The following LSAMP variants were observed in gnomAD, a reference collection of about 807,000 sequenced individuals.
The protein encoded by LSAMP is limbic system-associated membrane protein.
Under a neutral mutation model 38.6 loss-of-function variants are expected in LSAMP, and 7 were observed. The ratio of observed to expected loss-of-function variants is 0.18; its 90% confidence interval spans 0.10 to 0.34. LSAMP has a LOEUF of 0.34. Among genes scored for constraint, LSAMP ranks in the 10% least tolerant of loss-of-function variants. The pLI is 1.00. For missense variants in LSAMP, 313 were observed against 420.0 expected, an observed-to-expected ratio of 0.75 and a Z score of 2.23; for synonymous variants, 154 against 166.8, an observed-to-expected ratio of 0.92 and a Z score of 0.59.
At position 116,307,718 on chromosome 3, in the gene LSAMP, A is replaced by C. The variant is rs186900536; in HGVS notation, c.155+137159T>G. On this transcript the variant is annotated intron_variant, in intron 1 of 6. Coordinates refer to ENST00000490035, the MANE Select transcript of LSAMP (RefSeq NM_002338.5). ...CAATAAGATGGGTTTCTGTACCATTAAAATAGCATTTAGAGAGAATTTTAA... is the reference window on the plus strand; with the variant it reads ...CAATAAGATGGGTTTCTGTACCATTCAAATAGCATTTAGAGAGAATTTTAA... 5.3e-4 allele frequency among the ~76,000 whole-genome samples: 80 copies of C among 152,130 alleles called. 2 individuals are homozygous for C. The East Asian group carries it at 0.015, about 29-fold the overall frequency.
At chr3:116,207,785 G>A (rs1278236458) in intron 1 of LSAMP, among the ~76,000 whole-genome samples, 3 of 152,112 alleles carry the variant, frequency 2.0e-5, no homozygotes, top group East Asian at 3.9e-4. Flanking sequence ...CTGTTAGTCT[G>A]ATGGGCTTCC....
chr3:116,089,566 C>T (rs541629705), intron 1 of LSAMP, among the ~76,000 whole-genome samples: 1 of 152,052 alleles, frequency 6.6e-6, no homozygotes, highest in African/African-American at 2.4e-5. Context: ...AGCGTGTTAG[C>T]CAGGATGGTC....
intron 1 of LSAMP, among the ~76,000 whole-genome samples, chr3:116,133,296 G>GT (rs1333667412): frequency 1.3e-5 from 2 of 149,756 alleles, no homozygotes; most frequent in Admixed American, 6.7e-5. Flanking sequence ...CTTTGTTTTT[G>GT]TTTTTTGTTT....
intron 1 of LSAMP, among the ~76,000 whole-genome samples, chr3:116,379,957 G>C (rs1276350056): frequency 2.6e-5 from 4 of 151,968 alleles, no homozygotes; most frequent in Non-Finnish European, 4.4e-5. Context: ...ATAATCATGG[G>C]CTTTCCTATG....
intron 1 of LSAMP, among the ~76,000 whole-genome samples, chr3:116,229,932 T>C (rs1215128761): frequency 6.6e-6 from 1 of 152,024 alleles, no homozygotes; most frequent in Non-Finnish European, 1.5e-5. Context: ...GATGGGGTGG[T>C]GGGTGGAAGA....
At chr3:116,173,594 C>T (rs1230828027) in intron 1 of LSAMP, among the ~76,000 whole-genome samples, 2 of 151,968 alleles carry the variant, frequency 1.3e-5, no homozygotes, top group Admixed American at 1.3e-4. Flanking sequence ...CAAACCTATA[C>T]ACATACTAGG....
At chr3:116,386,260 C>A (rs2048625286) in intron 1 of LSAMP, among the ~76,000 whole-genome samples, 1 of 152,084 alleles carries the variant, frequency 6.6e-6, no homozygotes, top group Non-Finnish European at 1.5e-5. Context: ...ATCCTATATT[C>A]AGGTACAGAG....
intron 1 of LSAMP, among the ~76,000 whole-genome samples, chr3:116,442,888 T>C (rs1018868632): frequency 5.9e-5 from 9 of 152,216 alleles, no homozygotes; most frequent in African/African-American, 1.4e-4. Context: ...GTATCATCCA[T>C]AGATATGTAT....
intron 3 of LSAMP, among the ~76,000 whole-genome samples, chr3:115,982,052 C>T (rs760423753): frequency 2.6e-5 from 4 of 152,188 alleles, no homozygotes; most frequent in Non-Finnish European, 4.4e-5. Context: ...CATAATTTAA[C>T]ATAAATGCCT....
At chr3:116,272,764 T>C (rs1465708935) in intron 1 of LSAMP, among the ~76,000 whole-genome samples, 1 of 152,206 alleles carries the variant, frequency 6.6e-6, no homozygotes, top group African/African-American at 2.4e-5. Context: ...TGTAAGAATC[T>C]GTCCTAAGTA....
chr3:115,836,145 A>G (rs1934773455), intron 6 of LSAMP, among the ~76,000 whole-genome samples: 1 of 152,078 alleles, frequency 6.6e-6, no homozygotes, highest in Non-Finnish European at 1.5e-5. Context: ...TTGCTAAACC[A>G]TCTTACCCAC....
chr3:116,127,626 C>T (rs563623393), intron 1 of LSAMP, among the ~76,000 whole-genome samples: 1 of 149,862 alleles, frequency 6.7e-6, no homozygotes, highest in Non-Finnish European at 1.5e-5. Flanking sequence ...AATATACCTT[C>T]TCTCAAAGTG....
intron 1 of LSAMP, among the ~76,000 whole-genome samples, chr3:116,137,993 T>C (rs555152068): frequency 1.3e-5 from 2 of 152,090 alleles, no homozygotes; most frequent in Admixed American, 1.3e-4. Context: ...ACCAGCCTAA[T>C]ACAAGAATAG....
In LSAMP at chr3:116,134,789, G is replaced by A. The variant is rs1342513016; in HGVS notation, c.156-48233C>T. The stretch of plus-strand genomic sequence containing the variant: ...CCTTCTTTGAGATCATAAGATCCAT[G>A]AGCAGAGAACTTACCATCCTTGTTC... On this transcript the variant is annotated intron_variant, in intron 1 of 6. Coordinates refer to ENST00000490035, the MANE Select transcript of LSAMP (RefSeq NM_002338.5). Among the ~76,000 whole-genome samples, 6 of 152,142 alleles carry A rather than the reference G, an allele frequency of 3.9e-5. No homozygotes were observed. In the East Asian group the frequency reaches 1.2e-3, roughly 29 times the overall value.
At chr3:115,890,673 C>G (rs1936576042) in intron 3 of LSAMP, among the ~76,000 whole-genome samples, 1 of 151,822 alleles carries the variant, frequency 6.6e-6, no homozygotes, top group Non-Finnish European at 1.5e-5. Context: ...GGAAACAAAA[C>G]AAATGAAAAT....
At chr3:116,015,809 A>C (rs1162462271) in intron 3 of LSAMP, among the ~76,000 whole-genome samples, 1 of 152,130 alleles carries the variant, frequency 6.6e-6, no homozygotes, top group Non-Finnish European at 1.5e-5. Flanking sequence ...TCTTCCTAAA[A>C]ATATACCATG....
chr3:116,141,236 G>A (rs1308822587), intron 1 of LSAMP, among the ~76,000 whole-genome samples: 1 of 151,888 alleles, frequency 6.6e-6, no homozygotes, highest in African/African-American at 2.4e-5. Context: ...CAGACCTGCT[G>A]ATTATAAATA....
At chr3:116,336,188 A>C (rs950911616) in intron 1 of LSAMP, among the ~76,000 whole-genome samples, 4 of 152,028 alleles carry the variant, frequency 2.6e-5, no homozygotes, top group African/African-American at 9.7e-5. Flanking sequence ...AAAACTTCAC[A>C]ACATTGGATT....
rs1167092068 is a variant in LSAMP at position 115,830,163 on chromosome 3, G to A, written c.919+11682C>T. Among the ~76,000 whole-genome samples the A allele has an allele frequency of 2.0e-5, 3 of 152,192 alleles. No individual in the cohort carries two copies. In the East Asian group the frequency reaches 5.8e-4, roughly 29 times the overall value. On this transcript the variant is annotated intron_variant, in intron 6 of 6. Transcript: ENST00000490035. Reference sequence around the variant, plus strand: ...TATGTAAATCAGCCTGAATAAGTGTGTGAAATTAGATGTACCGATGCCAGA... The same window carrying A: ...TATGTAAATCAGCCTGAATAAGTGTATGAAATTAGATGTACCGATGCCAGA...
Sources: gnomAD v4.1 joint callset for allele counts (sites outside exome capture counted in the v4.1 genomes callset) on GRCh38, gnomAD v4.1.1 for gene constraint, MANE v1.5 for transcripts, NCBI Gene and HGNC (gene_info 2026-07-23, HGNC 2026-07-21) for gene names.